Variants in PHKB observed in about 807,000 individuals in gnomAD.
The protein encoded by PHKB is phosphorylase kinase regulatory subunit beta, also known as phosphorylase b kinase regulatory subunit beta.
Under a neutral mutation model 152.1 loss-of-function variants are expected in PHKB, and 122 were observed. The observed-to-expected ratio is 0.80, with a 90% CI of 0.69 to 0.93. PHKB has a LOEUF of 0.93. Among genes scored for constraint, PHKB ranks in the 40% least tolerant of loss-of-function variants. The pLI is 0.00. For missense variants in PHKB, 1,304 were observed against 1,328.4 expected (o/e 0.98, Z 0.29); for synonymous variants, 436 against 464.9 (o/e 0.94, Z 0.80).
At chr16:47,677,508 C>T (rs1416402978) in intron 26 of PHKB, among the ~76,000 whole-genome samples, 1 of 152,174 alleles carries the variant, frequency 6.6e-6, no homozygotes, top group African/African-American at 2.4e-5. Context: ...TGAGGGCTCT[C>T]CTCCTGGCTT....
intron 4 of PHKB, among the ~76,000 whole-genome samples, chr16:47,505,796 G>T (rs1042928999): frequency 6.6e-6 from 1 of 152,062 alleles, no homozygotes; most frequent in African/African-American, 2.4e-5. Flanking sequence ...ACTTTGAGAG[G>T]CAGAGACGGG....
intron 1 of PHKB, among the ~76,000 whole-genome samples, chr16:47,469,279 A>C (rs1257160395): frequency 6.6e-6 from 1 of 152,212 alleles, no homozygotes; most frequent in Non-Finnish European, 1.5e-5. Context: ...TTAGACTCGT[A>C]CAACTAGGTT....
intron 26 of PHKB, among the ~76,000 whole-genome samples, chr16:47,673,021 G>A (rs975411048): frequency 6.6e-6 from 1 of 151,996 alleles, no homozygotes. Flanking sequence ...CTCATTGCGA[G>A]TATTAATAGT....
intron 8 of PHKB, among the ~76,000 whole-genome samples, chr16:47,581,602 G>A (rs143219414): frequency 2.1e-4 from 32 of 152,336 alleles, no homozygotes; most frequent in Non-Finnish European, 4.0e-4. Flanking sequence ...AGGTTTTCAT[G>A]CAAATAAAAG....
intron 14 of PHKB, among the ~76,000 whole-genome samples, chr16:47,615,969 A>G (rs915762399): frequency 3.9e-5 from 6 of 152,218 alleles, no homozygotes; most frequent in African/African-American, 1.2e-4. Flanking sequence ...GGTTTTTAGT[A>G]TATTTACCAG....
At chr16:47,536,154 C>T (rs1324649163) in intron 6 of PHKB, among the ~76,000 whole-genome samples, 8 of 152,112 alleles carry the variant, frequency 5.3e-5, no homozygotes, top group Non-Finnish European at 1.0e-4. Context: ...CGTGTTCAAG[C>T]GATTCTCCTG....
At chr16:47,594,509 A>C (rs1359001821) in intron 12 of PHKB, among the ~76,000 whole-genome samples, 1 of 152,188 alleles carries the variant, frequency 6.6e-6, no homozygotes, top group African/African-American at 2.4e-5. Flanking sequence ...TATACAGGTC[A>C]CCAAAAATGC....
At chr16:47,518,735 C>T (rs1196105073) in intron 6 of PHKB, among the ~76,000 whole-genome samples, 1 of 152,088 alleles carries the variant, frequency 6.6e-6, no homozygotes, top group East Asian at 1.9e-4. Flanking sequence ...TGTTTGCTTT[C>T]TTCATCTAGA....
At chr16:47,653,354 T>C (rs965682808) in intron 20 of PHKB, among the ~76,000 whole-genome samples, 1 of 152,108 alleles carries the variant, frequency 6.6e-6, no homozygotes, top group Non-Finnish European at 1.5e-5. Flanking sequence ...GCCTTTTGTC[T>C]CTCAAAAATC....
chr16:47,534,108 T>C (rs1314481484), intron 6 of PHKB, among the ~76,000 whole-genome samples: 1 of 152,240 alleles, frequency 6.6e-6, no homozygotes, highest in African/African-American at 2.4e-5. Flanking sequence ...GACTCCCTCC[T>C]GTTCCTGGCT....
intron 20 of PHKB, among the ~76,000 whole-genome samples, chr16:47,651,175 A>G (rs1314023107): frequency 1.3e-5 from 2 of 152,180 alleles, no homozygotes; most frequent in Admixed American, 1.3e-4. Context: ...ATAGTGGTGT[A>G]GTGACCTGCT....
chr16:47,500,814 T>C (rs1970313023), intron 3 of PHKB, among the ~76,000 whole-genome samples: 1 of 152,216 alleles, frequency 6.6e-6, no homozygotes, highest in Non-Finnish European at 1.5e-5. Context: ...ATTTTAACCA[T>C]AATTAAGATC....
chr16:47,527,117 G>A (rs1006094708), intron 6 of PHKB, among the ~76,000 whole-genome samples: 2 of 152,090 alleles, frequency 1.3e-5, no homozygotes, highest in Non-Finnish European at 2.9e-5. Context: ...GCCTCCGTGA[G>A]TTACTCGCCT....
Position 47,587,827 on chromosome 16 carries a change from T to C in PHKB, c.870+64T>C. On this transcript the variant is annotated intron_variant, in intron 9 of 30. Coordinates refer to ENST00000323584, the MANE Select transcript of PHKB (RefSeq NM_000293.3). The stretch of plus-strand genomic sequence containing the variant: ...TGTTTATGATTTCTATGTAGTTATA[T>C]CTTAATTTCCAGTAAAGTACTCTAA... 1.1e-5 allele frequency: 13 copies of C among 1,214,834 alleles called. 1 individual carries two copies. The South Asian group carries it at 1.5e-4, about 14-fold the overall frequency. 75.3% of individuals were successfully genotyped at this position (1,214,834 alleles called of 1,614,324 possible).
chr16:47,684,226 G>T (rs558698520), intron 26 of PHKB, among the ~76,000 whole-genome samples: 99 of 151,994 alleles, frequency 6.5e-4, no homozygotes, highest in African/African-American at 2.3e-3. Flanking sequence ...CCAGTTACTC[G>T]GGAGGCTGAG....
At chr16:47,585,476 T>C (rs1265524727) in intron 8 of PHKB, among the ~76,000 whole-genome samples, 1 of 152,224 alleles carries the variant, frequency 6.6e-6, no homozygotes, top group East Asian at 1.9e-4. Flanking sequence ...AAGTAGGTGA[T>C]AATTAATTCC....
rs144193173 is a variant in PHKB, at chr16:47,466,251, A to G, written c.76+4825A>G. On this transcript the variant is annotated intron_variant, in intron 1 of 30. Coordinates refer to ENST00000323584, the MANE Select transcript of PHKB (RefSeq NM_000293.3). Reference sequence around the variant, plus strand: ...TTTTTCTTTAAAGACCCTTGGAGTCAAATGTACAAAACCAAGAATTTATAA... The same window carrying G: ...TTTTTCTTTAAAGACCCTTGGAGTCGAATGTACAAAACCAAGAATTTATAA... Among the ~76,000 whole-genome samples, 55 of 152,368 alleles carry G rather than the reference A, an allele frequency of 3.6e-4. 1 individual carries two copies. In the Middle Eastern group the frequency reaches 0.01, roughly 28 times the overall value.
intron 2 of PHKB, among the ~76,000 whole-genome samples, chr16:47,498,184 A>C (rs1287814528): frequency 6.6e-6 from 1 of 152,184 alleles, no homozygotes; most frequent in African/African-American, 2.4e-5. Context: ...CTTCATATGA[A>C]ACTTCAATCT....
intron 7 of PHKB, among the ~76,000 whole-genome samples, chr16:47,571,424 G>A (rs1201342856): frequency 3.3e-5 from 5 of 152,068 alleles, no homozygotes. Context: ...GGAGGGGAGG[G>A]AGCCACCTCA....
Sources: gnomAD v4.1 joint callset for allele counts (sites outside exome capture counted in the v4.1 genomes callset) on GRCh38, gnomAD v4.1.1 for gene constraint, MANE v1.5 for transcripts, NCBI Gene and HGNC (gene_info 2026-07-23, HGNC 2026-07-21) for gene names.